DPH6: variants seen among roughly 807,000 people sequenced by gnomAD.
The protein encoded by DPH6 is diphthine--ammonia ligase.
Under a neutral mutation model 38.2 loss-of-function variants are expected in DPH6, and 33 were observed. That is an observed-to-expected ratio of 0.86 (90% CI 0.65 to 1.15). The LOEUF is 1.15. Ranked by LOEUF, DPH6 falls within the 50% of genes most tolerant of loss-of-function variation. DPH6 has a pLI of 0.00. For synonymous variants in DPH6, 108 were observed against 103.0 expected (o/e 1.05, Z -0.30); for missense variants, 325 against 320.0 (o/e 1.02, Z -0.12).
chr15:35,253,057 T>A (rs997485850), intron 3 of DPH6, among the ~76,000 whole-genome samples: 3 of 152,270 alleles, frequency 2.0e-5, no homozygotes, highest in Non-Finnish European at 2.9e-5. Context: ...AGTTTCTTTA[T>A]CTGCATATTG....
At chr15:35,381,771 C>T (rs773493497) in intron 7 of DPH6, 51 bp downstream of exon 7, 1 of 1,454,596 alleles carries the variant, frequency 6.9e-7, no homozygotes, top group African/African-American at 1.4e-5. Flanking sequence ...TCAGTTGCTT[C>T]CATCACTTAA....
At chr15:35,337,362 G>A (rs186350515) in intron 3 of DPH6, among the ~76,000 whole-genome samples, 86 of 150,856 alleles carry the variant, frequency 5.7e-4, no homozygotes, top group African/African-American at 2.0e-3. Context: ...TCTTGCTAGC[G>A]GTCTATCATT....
chr15:35,497,377 C>T (rs1334115585), intron 3 of DPH6, among the ~76,000 whole-genome samples: 1 of 152,152 alleles, frequency 6.6e-6, no homozygotes, highest in Admixed American at 6.5e-5. Flanking sequence ...TAACTAGTTA[C>T]CCATTCTGGA....
At chr15:35,279,975 CAT>C (rs2051887840) in intron 3 of DPH6, among the ~76,000 whole-genome samples, 1 of 152,148 alleles carries the variant, frequency 6.6e-6, no homozygotes, top group African/African-American at 2.4e-5. Context: ...TCCCCACACA[CAT>C]GTACCAGGGA....
At chr15:35,235,436 C>A (rs2051544413) in intron 3 of DPH6, among the ~76,000 whole-genome samples, 1 of 152,148 alleles carries the variant, frequency 6.6e-6, no homozygotes, top group South Asian at 2.1e-4. Context: ...AATGTGTGTG[C>A]ACAGGTCGAT....
chr15:35,516,843 AC>A (rs1293365499), intron 3 of DPH6, among the ~76,000 whole-genome samples: 4 of 152,122 alleles, frequency 2.6e-5, no homozygotes, highest in African/African-American at 9.7e-5. Context: ...TGTCTGCCTC[AC>A]TTTAAGAATT....
intron 6 of DPH6, chr15:35,401,043 C>T (rs1266160712): frequency 2.3e-6 from 2 of 882,866 alleles, no homozygotes; most frequent in African/African-American, 1.6e-5. Context: ...AGAAGAACAT[C>T]ACCTAAGAGA....
At position 35,333,322 on chromosome 15, in the gene DPH6, G is replaced by A. The variant is rs192516752; in HGVS notation, n.208-2245C>T. Among the ~76,000 whole-genome samples, 1,420 of 152,188 alleles carry A rather than the reference G, an allele frequency of 9.3e-3. 14 individuals are homozygous for A. The highest frequency in any genetic ancestry group is 0.014 in the Non-Finnish European group (985 of 68,000). ...CTTGCAATCATGCAAAGGAGCAAAA[G>A]TATTATACTACAAAAGGCATAGAGT... On this transcript the variant is annotated intron_variant and non_coding_transcript_variant, in intron 3 of 3. Transcript: ENST00000558973.
chr15:35,202,600 C>T, the DPH6 span, among the ~76,000 whole-genome samples: 20 of 151,728 alleles, frequency 1.3e-4, no homozygotes, highest in Non-Finnish European at 2.7e-4. Flanking sequence ...ACAGTGTAAA[C>T]GAGCCCTGAG....
At chr15:35,279,858 T>C (rs561726068) in intron 3 of DPH6, among the ~76,000 whole-genome samples, 41 of 152,298 alleles carry the variant, frequency 2.7e-4, no homozygotes, top group African/African-American at 9.4e-4. Flanking sequence ...TCAACGTGAC[T>C]GTATTTGGAG....
chr15:35,520,301 T>C lies in DPH6; in HGVS notation c.312+17973A>G, dbSNP rs915752186. On this transcript the variant is annotated intron_variant, in intron 3 of 8. Coordinates refer to ENST00000256538, the MANE Select transcript of DPH6 (RefSeq NM_080650.4). The stretch of plus-strand genomic sequence containing the variant: ...ATTTTAAGCATAATTTTATTACACA[T>C]AAAAACTCAAAGTAAAATAGAAAAA... 5 of 974,954 alleles carry C rather than the reference T, an allele frequency of 5.1e-6. No individual in the cohort carries two copies. The East Asian group carries it at 5.8e-4, about 113-fold the overall frequency. The allele number at this position is 974,954 out of a possible 1,614,324, so 60.4% of individuals were successfully genotyped here.
intron 3 of DPH6, among the ~76,000 whole-genome samples, chr15:35,261,679 AAAAGTT>A (rs1200853471): frequency 6.6e-6 from 1 of 152,108 alleles, no homozygotes; most frequent in Admixed American, 6.6e-5. Context: ...CCAAAAATTA[AAAAGTT>A]ATTTGGGTGT....
chr15:35,189,745 A>C, the DPH6 span, among the ~76,000 whole-genome samples: 2 of 152,200 alleles, frequency 1.3e-5, no homozygotes, highest in African/African-American at 4.8e-5. Context: ...CGACAAATTT[A>C]TTCATGTTTT....
intron 3 of DPH6, among the ~76,000 whole-genome samples, chr15:35,331,409 TAA>T (rs10598710): frequency 0.03 from 4,565 of 152,296 alleles, 230 homozygotes; most frequent in African/African-American, 0.1. Context: ...CCGAAACAGA[TAA>T]ATCATGCTAC....
chr15:35,361,995 C>T (rs1299104543), intron 3 of DPH6, among the ~76,000 whole-genome samples: 1 of 151,650 alleles, frequency 6.6e-6, no homozygotes, highest in African/African-American at 2.4e-5. Flanking sequence ...GTCATGTTTC[C>T]CTGTTTCTTT....
At chr15:35,216,309 G>A (rs557494621), downstream of DPH6, among the ~76,000 whole-genome samples, 350 of 152,250 alleles carry the variant, frequency 2.3e-3, 4 homozygotes, top group African/African-American at 7.9e-3. Flanking sequence ...AAAACCATAC[G>A]ATCTCACAAA....
chr15:35,506,774 T>C (rs1595427415), intron 3 of DPH6, among the ~76,000 whole-genome samples: 1 of 152,236 alleles, frequency 6.6e-6, no homozygotes, highest in African/African-American at 2.4e-5. Context: ...TCATTAACAA[T>C]AGATTTTTTA....
chr15:35,322,802 A>G (rs1230666591), intron 3 of DPH6, among the ~76,000 whole-genome samples: 1 of 152,026 alleles, frequency 6.6e-6, no homozygotes, highest in Non-Finnish European at 1.5e-5. Flanking sequence ...TTTTTCTCCC[A>G]TATTTTCCAA....
intron 3 of DPH6, among the ~76,000 whole-genome samples, chr15:35,231,552 C>T (rs550996453): frequency 6.6e-5 from 10 of 152,292 alleles, no homozygotes; most frequent in Non-Finnish European, 1.0e-4. Context: ...GTCCTTGTTG[C>T]GGGTGGACAA....
Sources: gnomAD v4.1 joint callset for allele counts (sites outside exome capture counted in the v4.1 genomes callset) on GRCh38, gnomAD v4.1.1 for gene constraint, MANE v1.5 for transcripts, NCBI Gene and HGNC (gene_info 2026-07-23, HGNC 2026-07-21) for gene names.